Variants in TSNARE1 observed in about 807,000 individuals in gnomAD.
TSNARE1 encodes the protein t-SNARE domain-containing protein 1.
A neutral mutation model predicts 62.0 loss-of-function variants in TSNARE1; 49 were observed. The ratio of observed to expected loss-of-function variants is 0.79; its 90% CI spans 0.63 to 1.00. The LOEUF (loss-of-function observed/expected upper bound fraction) is 1.00, where lower values mean the gene tolerates loss of function less well. TSNARE1 is among the 50% of genes least tolerant of loss of function. The probability of loss-of-function intolerance (pLI) is 0.00; values close to 1 mark genes in which losing one functional copy is unlikely to be tolerated. For synonymous variants in TSNARE1, 328 were observed against 294.4 expected (o/e 1.11, Z -1.17); for missense variants, 755 against 700.1 (o/e 1.08, Z -0.88).
At chr8:142,343,750 G>C (rs1215932226) in intron 4 of TSNARE1, among the ~76,000 whole-genome samples, 1 of 97,854 alleles carries the variant, frequency 1.0e-5, no homozygotes, top group East Asian at 3.8e-4. Flanking sequence ...TGGTGATGGG[G>C]AGTGGGGGGA....
At chr8:142,374,548 G>A (rs773048456) in intron 1 of TSNARE1, among the ~76,000 whole-genome samples, 106 of 151,848 alleles carry the variant, frequency 7.0e-4, no homozygotes, top group African/African-American at 2.4e-3. Context: ...GCGTGATGGC[G>A]GGCGCCTGTA....
At chr8:142,239,318 A>G (rs1042328350) in intron 12 of TSNARE1, among the ~76,000 whole-genome samples, 7 of 152,244 alleles carry the variant, frequency 4.6e-5, no homozygotes, top group African/African-American at 1.7e-4. Flanking sequence ...AAGGAGCCTT[A>G]AAGCCCCTTG....
At chr8:142,275,362 C>A in intron 11 of TSNARE1, 1 of 985,408 alleles carries the variant, frequency 1.0e-6, no homozygotes. Context: ...GCACAGGGAG[C>A]TGATCAGAAA....
intron 13 of TSNARE1, among the ~76,000 whole-genome samples, chr8:142,223,109 C>T (rs534498492): frequency 4.9e-5 from 2 of 40,762 alleles, no homozygotes; most frequent in Non-Finnish European, 1.2e-4. Flanking sequence ...CATTCACTCA[C>T]TCGTTCACTC....
chr8:142,274,750 G>T (rs763524641), intron 12 of TSNARE1, 31 bp downstream of exon 12: 9 of 1,486,552 alleles, frequency 6.1e-6, no homozygotes, highest in Non-Finnish European at 1.8e-6. Context: ...GGCCGGGCCG[G>T]CCGGGCACTG....
chr8:142,342,009 C>A (rs1327643319), intron 4 of TSNARE1, among the ~76,000 whole-genome samples: 2 of 152,216 alleles, frequency 1.3e-5, no homozygotes, highest in African/African-American at 4.8e-5. Context: ...TAGGGGCTGA[C>A]CCCACTGCTG....
chr8:142,237,981 GC>G (rs1719649573), intron 12 of TSNARE1, among the ~76,000 whole-genome samples: 1 of 151,902 alleles, frequency 6.6e-6, no homozygotes, highest in Admixed American at 6.6e-5. Context: ...CCACCCGCCT[GC>G]CCACGCCACC....
At chr8:142,274,916 G>C in intron 11 of TSNARE1, 53 bp from the exon 12 acceptor site, 1 of 1,447,332 alleles carries the variant, frequency 6.9e-7, no homozygotes, top group Non-Finnish European at 9.2e-7. Flanking sequence ...AGCCGCCCCC[G>C]CCCTGAGGAC....
At chr8:142,345,660 C>T (rs1185625976) in intron 3 of TSNARE1, 83 bp downstream of exon 3, 14 of 1,426,360 alleles carry the variant, frequency 9.8e-6, no homozygotes, top group Non-Finnish European at 1.9e-6. Context: ...GCAGCTCCCA[C>T]CTGCTGACCC....
chr8:142,247,483 T>G (rs1028385796), intron 12 of TSNARE1: 7 of 152,286 alleles, frequency 4.6e-5, no homozygotes, highest in African/African-American at 1.7e-4. Context: ...CCTTGTATTT[T>G]GGAAGTGAAT....
intron 12 of TSNARE1, among the ~76,000 whole-genome samples, chr8:142,265,580 A>C (rs1248319939): frequency 1.3e-5 from 2 of 152,254 alleles, no homozygotes; most frequent in Non-Finnish European, 2.9e-5. Flanking sequence ...TGGTGTGAAC[A>C]TGAGTTTTTC....
At chr8:142,398,832 T>G (rs1179350262) in intron 1 of TSNARE1, among the ~76,000 whole-genome samples, 1 of 152,138 alleles carries the variant, frequency 6.6e-6, no homozygotes, top group Non-Finnish European at 1.5e-5. Flanking sequence ...GGCCCCCAAG[T>G]GGGTTCACAT....
intron 1 of TSNARE1, among the ~76,000 whole-genome samples, chr8:142,387,551 A>G (rs142752348): frequency 2.0e-5 from 3 of 152,318 alleles, no homozygotes; most frequent in Admixed American, 2.0e-4. Context: ...AAACAAGAGA[A>G]GCAACCGAGA....
intron 4 of TSNARE1, among the ~76,000 whole-genome samples, chr8:142,339,783 G>A (rs942108734): frequency 6.6e-6 from 1 of 152,216 alleles, no homozygotes; most frequent in African/African-American, 2.4e-5. Flanking sequence ...GACAAGGCTC[G>A]CTCCCCACAC....
intron 1 of TSNARE1, among the ~76,000 whole-genome samples, chr8:142,368,659 T>C (rs1334534190): frequency 6.6e-6 from 1 of 152,144 alleles, no homozygotes; most frequent in Middle Eastern, 3.2e-3. Flanking sequence ...CTCTTCTCCA[T>C]GGGCTCAAGA....
intron 1 of TSNARE1, among the ~76,000 whole-genome samples, chr8:142,358,038 A>AG (rs1263394475): frequency 7.1e-5 from 9 of 126,238 alleles, no homozygotes; most frequent in South Asian, 3.0e-4. Flanking sequence ...TTTCAGGACA[A>AG]GGGGAGCAGC....
chr8:142,307,694 T>C (rs889153975), intron 9 of TSNARE1, among the ~76,000 whole-genome samples: 1 of 152,200 alleles, frequency 6.6e-6, no homozygotes, highest in Non-Finnish European at 1.5e-5. Context: ...GTGGAATCCA[T>C]GGATGTGAAA....
intron 12 of TSNARE1, among the ~76,000 whole-genome samples, chr8:142,249,236 C>T (rs1401195268): frequency 2.0e-5 from 3 of 152,234 alleles, no homozygotes; most frequent in East Asian, 1.9e-4. Flanking sequence ...GGACGTCATC[C>T]GGACGGGGTG....
At chr8:142,330,770 G>A (rs946831643) in intron 6 of TSNARE1, 131 bp downstream of exon 6, 3 of 851,130 alleles carry the variant, frequency 3.5e-6, no homozygotes, top group Non-Finnish European at 5.7e-6. Flanking sequence ...GTGCGCACAT[G>A]TGTGTCCAGG....
Sources: allele counts gnomAD v4.1 joint callset (sites outside exome capture counted in the v4.1 genomes callset), GRCh38; gene constraint gnomAD v4.1.1; transcripts MANE v1.5; gene names NCBI Gene and HGNC (gene_info 2026-07-23, HGNC 2026-07-21).